Variants in HS6ST3 observed in about 807,000 individuals in gnomAD.
HS6ST3 encodes heparan sulfate 6-O-sulfotransferase 3.
Under a neutral mutation model 36.7 loss-of-function variants are expected in HS6ST3, and 12 were observed. The observed-to-expected ratio is 0.33, with a 90% CI of 0.21 to 0.53. HS6ST3 has a LOEUF of 0.53. Among genes scored for constraint, HS6ST3 ranks in the 20% least tolerant of loss-of-function variants. The pLI is 0.95. For missense variants in HS6ST3, 584 were observed against 640.9 expected (o/e 0.91, Z 0.96); for synonymous variants, 240 against 257.5 (o/e 0.93, Z 0.65).
intron 1 of HS6ST3, among the ~76,000 whole-genome samples, chr13:96,387,140 A>G (rs1040978283): frequency 2.0e-5 from 3 of 152,170 alleles, no homozygotes; most frequent in Non-Finnish European, 4.4e-5. Context: ...TTCTGCAATG[A>G]AAAGGAGCCA....
chr13:96,683,060 G>T (rs2056723693), intron 1 of HS6ST3, among the ~76,000 whole-genome samples: 2 of 152,058 alleles, frequency 1.3e-5, no homozygotes, highest in Admixed American at 1.3e-4. Context: ...AGGATTATTT[G>T]CATTACTTGT....
intron 1 of HS6ST3, among the ~76,000 whole-genome samples, chr13:96,109,220 C>T (rs530416475): frequency 7.2e-5 from 11 of 152,220 alleles, no homozygotes; most frequent in African/African-American, 1.4e-4. Flanking sequence ...TGAGATTTTC[C>T]GGTAGACAGA....
At chr13:96,316,257 CTGTGTGTGTGTGTGTGTG>C (rs10534465) in intron 1 of HS6ST3, among the ~76,000 whole-genome samples, 98 of 147,276 alleles carry the variant, frequency 6.7e-4, no homozygotes, top group Admixed American at 8.9e-4. Flanking sequence ...CTACATACAC[CTGTGTGTGTGTGTGTGTG>C]TGTGTGTGTG....
At chr13:96,765,453 G>T (rs1308931241) in intron 1 of HS6ST3, among the ~76,000 whole-genome samples, 2 of 152,152 alleles carry the variant, frequency 1.3e-5, no homozygotes, top group African/African-American at 2.4e-5. Context: ...GGGAAGAATT[G>T]GATTAGATCA....
intron 1 of HS6ST3, among the ~76,000 whole-genome samples, chr13:96,706,510 C>T (rs1157945250): frequency 6.7e-6 from 1 of 148,570 alleles, no homozygotes; most frequent in Non-Finnish European, 1.5e-5. Context: ...TTGAGGCTCT[C>T]AGGAGGTGGG....
intron 1 of HS6ST3, among the ~76,000 whole-genome samples, chr13:96,747,693 A>C (rs1313896280): frequency 6.6e-6 from 1 of 152,040 alleles, no homozygotes; most frequent in African/African-American, 2.4e-5. Flanking sequence ...TATAACTAAT[A>C]AAAGTGAGGA....
chr13:96,163,699 G>A (rs77228734), intron 1 of HS6ST3, among the ~76,000 whole-genome samples: 1 of 151,998 alleles, frequency 6.6e-6, no homozygotes, highest in African/African-American at 2.4e-5. Context: ...TATATCAATA[G>A]CTTAATAAAA....
chr13:96,556,232 T>C (rs7330471), intron 1 of HS6ST3, among the ~76,000 whole-genome samples: 12,888 of 152,218 alleles, frequency 0.085, 999 homozygotes, highest in African/African-American at 0.21. Context: ...TTCCTTGGTA[T>C]TAGAATAGGA....
At chr13:96,261,068 TA>T (rs902587445) in intron 1 of HS6ST3, among the ~76,000 whole-genome samples, 2 of 152,146 alleles carry the variant, frequency 1.3e-5, no homozygotes, top group Non-Finnish European at 2.9e-5. Context: ...TTGGTCATAT[TA>T]TTTTTTTTAT....
At chr13:96,543,911 G>A (rs1338244891) in intron 1 of HS6ST3, among the ~76,000 whole-genome samples, 2 of 151,414 alleles carry the variant, frequency 1.3e-5, no homozygotes, top group Non-Finnish European at 2.9e-5. Context: ...TAATAGGATG[G>A]AATGATGTGT....
chr13:96,115,102 T>C (rs2053887813), intron 1 of HS6ST3, among the ~76,000 whole-genome samples: 1 of 152,172 alleles, frequency 6.6e-6, no homozygotes, highest in Non-Finnish European at 1.5e-5. Flanking sequence ...TTACAGGACA[T>C]GGTTAAGGGG....
At chr13:96,142,900 CT>C (rs1372424949) in intron 1 of HS6ST3, among the ~76,000 whole-genome samples, 1 of 151,952 alleles carries the variant, frequency 6.6e-6, no homozygotes, top group African/African-American at 2.4e-5. Flanking sequence ...TCAGTAATGT[CT>C]TTAAAAAAAG....
At chr13:96,368,165 A>G (rs935114458) in intron 1 of HS6ST3, among the ~76,000 whole-genome samples, 1 of 152,158 alleles carries the variant, frequency 6.6e-6, no homozygotes, top group South Asian at 2.1e-4. Flanking sequence ...CATTGTGTGC[A>G]TAATAGTTCA....
chr13:96,223,366 C>T (rs1217742304), intron 1 of HS6ST3, among the ~76,000 whole-genome samples: 1 of 152,174 alleles, frequency 6.6e-6, no homozygotes, highest in African/African-American at 2.4e-5. Flanking sequence ...TCAGCACAGC[C>T]CCCAGACTCT....
chr13:96,713,987 A>G (rs1371519748), intron 1 of HS6ST3, among the ~76,000 whole-genome samples: 1 of 152,186 alleles, frequency 6.6e-6, no homozygotes, highest in Non-Finnish European at 1.5e-5. Context: ...TTGGTTATCC[A>G]TAAGGTTAAA....
chr13:96,486,104 A>T (rs1485350603), intron 1 of HS6ST3, among the ~76,000 whole-genome samples: 1 of 145,516 alleles, frequency 6.9e-6, no homozygotes, highest in Non-Finnish European at 1.5e-5. Context: ...TGTGAGTGAG[A>T]ACATGCGGTG....
chr13:96,471,039 C>T (rs1391237094), intron 1 of HS6ST3, among the ~76,000 whole-genome samples: 4 of 152,206 alleles, frequency 2.6e-5, no homozygotes, highest in Non-Finnish European at 4.4e-5. Flanking sequence ...CCATGTATGA[C>T]ACAAAGTAGG....
At chr13:96,637,394 T>C (rs2056553657) in intron 1 of HS6ST3, among the ~76,000 whole-genome samples, 1 of 152,122 alleles carries the variant, frequency 6.6e-6, no homozygotes, top group Non-Finnish European at 1.5e-5. Flanking sequence ...ACAGCACACA[T>C]ATGTGGTTTA....
chr13:96,499,716 C>G (rs1443603434), intron 1 of HS6ST3, among the ~76,000 whole-genome samples: 1 of 152,024 alleles, frequency 6.6e-6, no homozygotes, highest in African/African-American at 2.4e-5. Flanking sequence ...CGTGTGTGAC[C>G]TGTGCAATGA....
Sources: allele counts gnomAD v4.1 joint callset (sites outside exome capture counted in the v4.1 genomes callset), GRCh38; gene constraint gnomAD v4.1.1; transcripts MANE v1.5; gene names NCBI Gene and HGNC (gene_info 2026-07-23, HGNC 2026-07-21).